The following SNX29 variants were observed in gnomAD, a reference collection of about 807,000 sequenced individuals.
The protein encoded by SNX29 is sorting nexin-29.
A neutral mutation model predicts 102.1 loss-of-function variants in SNX29; 78 were observed. The observed-to-expected ratio is 0.76, with a 90% CI of 0.64 to 0.92. The LOEUF is 0.92. SNX29 is among the 40% of genes least tolerant of loss of function. SNX29 has a pLI of 0.00. For synonymous variants in SNX29, 580 were observed against 414.5 expected (o/e 1.40, Z -4.85); for missense variants, 1,280 against 1,061.7 (o/e 1.21, Z -2.86).
chr16:12,393,143 G>T (rs1034848811), intron 16 of SNX29, among the ~76,000 whole-genome samples: 1 of 152,190 alleles, frequency 6.6e-6, no homozygotes, highest in Non-Finnish European at 1.5e-5. Flanking sequence ...AATTATGGCT[G>T]CCATTTCATG....
rs77101664 is a variant in SNX29 at position 12,195,250 on chromosome 16, T to C, written c.1596-4351T>C. Among the ~76,000 whole-genome samples the C allele has an allele frequency of 3.0e-3, 461 of 152,348 alleles. 2 individuals carry two copies. Among genetic ancestry groups the C allele is most frequent in the African/African-American group, 0.01 (434 of 41,580 alleles). On this transcript the variant is annotated intron_variant, in intron 13 of 20. Transcript: ENST00000566228. ...TTGACAGTCCTATAGCGTCCTATTA[T>C]AGGAGGATGCACCATAACTTTCCAC...
At chr16:12,556,856 GA>G (rs201706261) in intron 20 of SNX29, among the ~76,000 whole-genome samples, 8 of 151,442 alleles carry the variant, frequency 5.3e-5, no homozygotes, top group Non-Finnish European at 8.8e-5. Flanking sequence ...GGAAAAAATT[GA>G]ATTTTTTTTT....
chr16:12,553,970 G>A (rs758900314), intron 20 of SNX29, among the ~76,000 whole-genome samples: 1 of 152,120 alleles, frequency 6.6e-6, no homozygotes, highest in Non-Finnish European at 1.5e-5. Context: ...TGGGACTACA[G>A]GCATCCACCA....
chr16:12,061,531 A>G lies in SNX29; in HGVS notation c.1128A>G (p.Pro376=). ...HRGHSESPEK[P]LEGNTCLSQM... is the part of the protein sequence containing the mutation. ...CAGCTGTATTCTTTCACCTTAGGCC[A>G]CTGGAAGGGAACACCTGCCTCTCCC... The change falls in exon 9 of 21, where the codon CCA becomes CCG. Residue 376 remains proline (P), a synonymous_variant. Coordinates refer to ENST00000566228, the MANE Select transcript of SNX29 (RefSeq NM_032167.5). 1 of 1,598,164 alleles carries G rather than the reference A, an allele frequency of 6.3e-7. No individual in the cohort carries two copies. The highest frequency in any genetic ancestry group is 1.1e-5 in the South Asian group (1 of 87,678).
chr16:12,051,030 AC>A (rs2050277617), intron 7 of SNX29, among the ~76,000 whole-genome samples: 1 of 152,112 alleles, frequency 6.6e-6, no homozygotes, highest in South Asian at 2.1e-4. Flanking sequence ...CCTTTCTGCC[AC>A]ATTCTTTTGG....
chr16:12,259,736 C>T (rs563284766), intron 14 of SNX29, among the ~76,000 whole-genome samples: 65 of 152,284 alleles, frequency 4.3e-4, no homozygotes, highest in African/African-American at 1.4e-3. Flanking sequence ...CCCTCGTCTC[C>T]GATCCACGGA....
At chr16:12,504,107 C>G (rs1173253196) in intron 19 of SNX29, among the ~76,000 whole-genome samples, 1 of 152,160 alleles carries the variant, frequency 6.6e-6, no homozygotes, top group Non-Finnish European at 1.5e-5. Context: ...TTTTCTGCAT[C>G]TAAGGATCTC....
intron 1 of SNX29, among the ~76,000 whole-genome samples, chr16:11,995,102 G>C (rs1212864846): frequency 6.6e-6 from 1 of 152,180 alleles, no homozygotes; most frequent in African/African-American, 2.4e-5. Context: ...CTCTCACTCT[G>C]TTGCCCAGGC....
In SNX29 at chr16:12,569,762, C is replaced by T. The variant is rs187438076; in HGVS notation, c.*1133C>T. The T allele has an allele frequency of 1.7e-5, 4 of 230,518 alleles. No individual in the cohort carries two copies. The highest frequency in any genetic ancestry group is 6.6e-5 in the African/African-American group (3 of 45,314). 14.3% of individuals were successfully genotyped at this position (230,518 alleles called of 1,614,324 possible). A position where few individuals can be genotyped will look rare whatever the true frequency, so the allele number is the denominator to read the frequency against. On this transcript the variant is annotated 3_prime_UTR_variant, in exon 21 of 21. Coordinates refer to ENST00000566228, the MANE Select transcript of SNX29 (RefSeq NM_032167.5). Reference sequence around the variant, plus strand: ...GGCTCCTCCTCCAGTGAGCTCACATCAGAGCACCTCACAGAGCAATAGCCG... The same window carrying T: ...GGCTCCTCCTCCAGTGAGCTCACATTAGAGCACCTCACAGAGCAATAGCCG...
intron 4 of SNX29, among the ~76,000 whole-genome samples, chr16:12,041,951 A>G (rs1198943457): frequency 2.6e-5 from 4 of 152,186 alleles, no homozygotes; most frequent in African/African-American, 9.6e-5. Context: ...GAAAATGTCA[A>G]TATTGGTCTT....
intron 19 of SNX29, among the ~76,000 whole-genome samples, chr16:12,509,639 C>G (rs1041610905): frequency 2.0e-5 from 3 of 152,112 alleles, no homozygotes; most frequent in Admixed American, 1.3e-4. Flanking sequence ...GTGAGTGAAA[C>G]CAAGGGTAGT....
intron 19 of SNX29, among the ~76,000 whole-genome samples, chr16:12,495,505 T>C (rs2088777594): frequency 6.6e-6 from 1 of 152,268 alleles, no homozygotes; most frequent in African/African-American, 2.4e-5. Context: ...AATAAGTTAG[T>C]TCCCTCCATT....
At chr16:12,277,427 C>A (rs1481660545) in intron 14 of SNX29, among the ~76,000 whole-genome samples, 1 of 152,010 alleles carries the variant, frequency 6.6e-6, no homozygotes, top group Admixed American at 6.6e-5. Context: ...AAAACCTCCA[C>A]CCCCCAAAAC....
At chr16:12,564,934 TAAAAAAAAAAAAA>T (rs6145751) in intron 20 of SNX29, among the ~76,000 whole-genome samples, 1 of 144,850 alleles carries the variant, frequency 6.9e-6, no homozygotes, top group African/African-American at 2.5e-5. Context: ...ACCTTGGTGT[TAAAAAAAAAAAAA>T]AAAAGGCTGT....
chr16:12,443,373 C>T (rs1228926112), intron 18 of SNX29: 1 of 160,946 alleles, frequency 6.2e-6, no homozygotes, highest in East Asian at 1.8e-4. Flanking sequence ...GGATGCCAGC[C>T]ACATGTTTTA....
intron 15 of SNX29, among the ~76,000 whole-genome samples, chr16:12,325,334 T>C (rs1013666857): frequency 2.0e-5 from 3 of 152,206 alleles, no homozygotes; most frequent in Admixed American, 6.5e-5. Context: ...GAGGAAGGAT[T>C]GAAAAGCCAA....
At chr16:12,500,729 C>A (rs2151892195) in intron 19 of SNX29, among the ~76,000 whole-genome samples, 1 of 152,358 alleles carries the variant, frequency 6.6e-6, no homozygotes, top group Non-Finnish European at 1.5e-5. Context: ...AGATTTCAGG[C>A]CCCATCCCAG....
At chr16:12,385,565 G>A (rs2083312276) in intron 16 of SNX29, among the ~76,000 whole-genome samples, 1 of 152,186 alleles carries the variant, frequency 6.6e-6, no homozygotes, top group African/African-American at 2.4e-5. Context: ...TCTGCTCTCT[G>A]CCAGGTGACA....
intron 14 of SNX29, among the ~76,000 whole-genome samples, chr16:12,261,128 T>G (rs1210808875): frequency 8.4e-5 from 12 of 143,654 alleles, no homozygotes; most frequent in Admixed American, 7.8e-4. Context: ...CCGGCTGGAG[T>G]GAGTGGTTCC....
Sources: gnomAD v4.1 joint callset for allele counts (sites outside exome capture counted in the v4.1 genomes callset) on GRCh38, gnomAD v4.1.1 for gene constraint, MANE v1.5 for transcripts, NCBI Gene and HGNC (gene_info 2026-07-23, HGNC 2026-07-21) for gene names.